ARHGAP24: variants seen among roughly 807,000 people sequenced by gnomAD.
The protein encoded by ARHGAP24 is rho GTPase-activating protein 24.
ARHGAP24 carries 50 observed loss-of-function variants against 76.4 expected under a neutral mutation model. That is an observed-to-expected ratio of 0.65 (90% CI 0.52 to 0.83). The LOEUF is 0.83. Among genes scored for constraint, ARHGAP24 ranks in the 40% least tolerant of loss-of-function variants. ARHGAP24 has a pLI of 0.00. For missense variants in ARHGAP24, 930 were observed against 914.2 expected, an observed-to-expected ratio of 1.02 and a Z score of -0.22; for synonymous variants, 345 against 323.3, an observed-to-expected ratio of 1.07 and a Z score of -0.72.
chr4:85,793,247 T>A (rs1407665422), intron 3 of ARHGAP24, among the ~76,000 whole-genome samples: 2 of 152,166 alleles, frequency 1.3e-5, no homozygotes, highest in African/African-American at 4.8e-5. Context: ...AAAATGTATA[T>A]TTCGAAAAAC....
intron 5 of ARHGAP24, among the ~76,000 whole-genome samples, chr4:85,958,648 T>A (rs1360649600): frequency 6.6e-6 from 1 of 152,212 alleles, no homozygotes; most frequent in South Asian, 2.1e-4. Flanking sequence ...TCCCTTAAAG[T>A]CATGTTTTTG....
intron 1 of ARHGAP24, among the ~76,000 whole-genome samples, chr4:85,498,258 C>T (rs190051837): frequency 2.0e-5 from 3 of 152,244 alleles, no homozygotes; most frequent in Admixed American, 6.5e-5. Context: ...CCATCTTATA[C>T]CTGGGTTGGC....
intron 4 of ARHGAP24, among the ~76,000 whole-genome samples, chr4:85,938,049 G>A (rs1276547098): frequency 6.6e-6 from 1 of 152,170 alleles, no homozygotes; most frequent in Non-Finnish European, 1.5e-5. Flanking sequence ...TAAATCACAT[G>A]TAAAGGGGGA....
At position 85,970,524 on chromosome 4, in the gene ARHGAP24, C is replaced by T. The variant is rs530643085; in HGVS notation, c.600-1512C>T. 1.4e-4 allele frequency among the ~76,000 whole-genome samples: 21 copies of T among 152,152 alleles called. No homozygotes were observed. The East Asian group carries it at 3.5e-3, about 25-fold the overall frequency. ...TCCTAGCCCAGGGGTTTCTATAATA[C>T]CCATTAGGAGTAGATGTGCAGTAAA... On this transcript the variant is annotated intron_variant, in intron 5 of 9. Transcript: ENST00000395184.
chr4:85,838,407 C>A (rs1730409779), intron 3 of ARHGAP24, among the ~76,000 whole-genome samples: 1 of 152,164 alleles, frequency 6.6e-6, no homozygotes, highest in African/African-American at 2.4e-5. Context: ...ACCATCCTGG[C>A]TAACACAGTG....
At chr4:85,898,250 A>G (rs571839908) in intron 3 of ARHGAP24, among the ~76,000 whole-genome samples, 54 of 152,050 alleles carry the variant, frequency 3.6e-4, no homozygotes, top group African/African-American at 1.2e-3. Context: ...CCAATAGAAA[A>G]CAGAACCATC....
chr4:85,980,692 T>C (rs2148859435), intron 8 of ARHGAP24, among the ~76,000 whole-genome samples: 1 of 152,350 alleles, frequency 6.6e-6, no homozygotes, highest in South Asian at 2.1e-4. Flanking sequence ...TACTGGTCCT[T>C]GTATTGATGT....
intron 2 of ARHGAP24, among the ~76,000 whole-genome samples, chr4:85,648,461 T>C (rs1024585320): frequency 6.6e-6 from 1 of 152,130 alleles, no homozygotes; most frequent in African/African-American, 2.4e-5. Flanking sequence ...TGGTGCATGT[T>C]CATTGAGAAT....
intron 3 of ARHGAP24, among the ~76,000 whole-genome samples, chr4:85,823,631 A>C (rs1014527038): frequency 6.6e-6 from 1 of 152,186 alleles, no homozygotes; most frequent in East Asian, 1.9e-4. Flanking sequence ...CACCTGACTA[A>C]AATGGCTTAT....
intron 1 of ARHGAP24, among the ~76,000 whole-genome samples, chr4:85,513,061 C>A (rs1430365413): frequency 5.3e-5 from 8 of 152,198 alleles, no homozygotes; most frequent in Non-Finnish European, 1.2e-4. Flanking sequence ...GTAGGTGCTC[C>A]CTCTGTGGCA....
At chr4:85,481,854 G>A (rs2110087468) in intron 1 of ARHGAP24, among the ~76,000 whole-genome samples, 1 of 152,286 alleles carries the variant, frequency 6.6e-6, no homozygotes, top group South Asian at 2.1e-4. Flanking sequence ...AGAAAAGTTG[G>A]GTTAGTAGTG....
At chr4:85,571,749 A>C (rs1727147928) in intron 2 of ARHGAP24, among the ~76,000 whole-genome samples, 1 of 152,176 alleles carries the variant, frequency 6.6e-6, no homozygotes, top group South Asian at 2.1e-4. Flanking sequence ...CCAAGGCTGG[A>C]CATCAGGCTA....
intron 2 of ARHGAP24, among the ~76,000 whole-genome samples, chr4:85,661,894 C>T (rs191231927): frequency 0.019 from 2,846 of 152,168 alleles, 87 homozygotes; most frequent in African/African-American, 0.063. Flanking sequence ...ATATGTGCCA[C>T]ATTTTCTTAA....
intron 1 of ARHGAP24, among the ~76,000 whole-genome samples, chr4:85,533,878 A>T (rs1239874898): frequency 6.6e-6 from 1 of 152,200 alleles, no homozygotes; most frequent in Non-Finnish European, 1.5e-5. Context: ...ATTCTAACAA[A>T]ATAACTAGCC....
chr4:85,639,455 T>C (rs2109969119), intron 2 of ARHGAP24, among the ~76,000 whole-genome samples: 1 of 152,250 alleles, frequency 6.6e-6, no homozygotes, highest in East Asian at 1.9e-4. Context: ...AGAATAGGAT[T>C]TGGATCTCTT....
intron 3 of ARHGAP24, among the ~76,000 whole-genome samples, chr4:85,886,848 C>G (rs957193960): frequency 3.4e-4 from 52 of 152,160 alleles, no homozygotes; most frequent in African/African-American, 1.1e-3. Flanking sequence ...AATGTTTAAA[C>G]AAGGATGACT....
intron 6 of ARHGAP24, among the ~76,000 whole-genome samples, chr4:85,973,869 G>A (rs1739154776): frequency 1.0e-5 from 1 of 96,264 alleles, no homozygotes; most frequent in Non-Finnish European, 1.9e-5. Flanking sequence ...TTGAGACAGA[G>A]TCTTGCTCTG....
At chr4:85,931,134 T>C (rs1736309952) in intron 4 of ARHGAP24, 1 of 1,355,854 alleles carries the variant, frequency 7.4e-7, no homozygotes, top group Non-Finnish European at 1.0e-6. Flanking sequence ...AAAATGGGAG[T>C]TTGGAAACCA....
chr4:85,502,540 G>A (rs1367195168), intron 1 of ARHGAP24, among the ~76,000 whole-genome samples: 2 of 152,146 alleles, frequency 1.3e-5, no homozygotes, highest in African/African-American at 4.8e-5. Context: ...TGGTGTATAG[G>A]AATGCTTGTG....
Sources: allele counts gnomAD v4.1 joint callset (sites outside exome capture counted in the v4.1 genomes callset), GRCh38; gene constraint gnomAD v4.1.1; transcripts MANE v1.5; gene names NCBI Gene and HGNC (gene_info 2026-07-23, HGNC 2026-07-21).